Variants in TAFA5 observed in about 807,000 individuals in gnomAD.
TAFA5 encodes chemokine-like protein TAFA-5.
Under a neutral mutation model 15.3 loss-of-function variants are expected in TAFA5, and 6 were observed. The ratio of observed to expected loss-of-function variants is 0.39; its 90% confidence interval spans 0.21 to 0.77. TAFA5 has a LOEUF of 0.77. Among genes scored for constraint, TAFA5 ranks in the 30% least tolerant of loss-of-function variants. The pLI, the probability that TAFA5 is intolerant of heterozygous loss-of-function variation, is 0.41. For synonymous variants in TAFA5, 103 were observed against 80.7 expected, an observed-to-expected ratio of 1.28 and a Z score of -1.48; for missense variants, 161 against 193.1, an observed-to-expected ratio of 0.83 and a Z score of 0.98.
intron 1 of TAFA5, among the ~76,000 whole-genome samples, chr22:48,630,575 G>A (rs1056246705): frequency 2.6e-5 from 4 of 152,190 alleles, no homozygotes; most frequent in Non-Finnish European, 5.9e-5. Flanking sequence ...ACAGGTTCAC[G>A]GGATAATTGG....
chr22:48,506,242 G>A (rs909957546), intron 1 of TAFA5, among the ~76,000 whole-genome samples: 3 of 152,226 alleles, frequency 2.0e-5, no homozygotes, highest in African/African-American at 7.2e-5. Flanking sequence ...ATGGAGGGAA[G>A]GCCCATGGCT....
chr22:48,527,922 C>G (rs1419100085), intron 1 of TAFA5, among the ~76,000 whole-genome samples: 1 of 152,216 alleles, frequency 6.6e-6, no homozygotes, highest in Non-Finnish European at 1.5e-5. Flanking sequence ...TCCCGCCTTC[C>G]CAGGCGCGCT....
At chr22:48,674,488 G>A (rs1927905176) in intron 2 of TAFA5, among the ~76,000 whole-genome samples, 2 of 152,060 alleles carry the variant, frequency 1.3e-5, no homozygotes, top group South Asian at 2.1e-4. Flanking sequence ...CTCAGCCTTC[G>A]AGTTACAGTT....
At chr22:48,519,025 T>A (rs946147501) in intron 1 of TAFA5, among the ~76,000 whole-genome samples, 1 of 152,158 alleles carries the variant, frequency 6.6e-6, no homozygotes, top group African/African-American at 2.4e-5. Context: ...GGAGGACGCC[T>A]GGGGTCTCCA....
chr22:48,698,031 A>G (rs927486192), intron 2 of TAFA5, among the ~76,000 whole-genome samples: 1 of 148,700 alleles, frequency 6.7e-6, no homozygotes, highest in Non-Finnish European at 1.5e-5. Context: ...GGTGAAGATA[A>G]TGGTGGCGAT....
At chr22:48,667,565 C>T (rs542193322) in intron 2 of TAFA5, among the ~76,000 whole-genome samples, 14 of 152,276 alleles carry the variant, frequency 9.2e-5, no homozygotes, top group African/African-American at 2.9e-4. Context: ...TTATTTATCT[C>T]GCGGGCTTCG....
At chr22:48,706,611 T>C (rs1452029793) in intron 2 of TAFA5, among the ~76,000 whole-genome samples, 1 of 152,236 alleles carries the variant, frequency 6.6e-6, no homozygotes, top group Non-Finnish European at 1.5e-5. Flanking sequence ...GGTAGAATCC[T>C]GTGTATATAA....
rs549044038 is a variant in TAFA5, at chr22:48,566,896, C to T, written c.112+77192C>T. On this transcript the variant is annotated intron_variant, in intron 1 of 3. Coordinates refer to ENST00000402357, the MANE Select transcript of TAFA5 (RefSeq NM_001082967.3). This position sits in a 1 kb window ranked among gnomAD's most constrained non-coding sequence, Gnocchi z 4.5. ...CTCACCACTGTGGTTTCATGATTTACGCCTGGGGCCGTCAGTGGGTTGGGT... is the reference window on the plus strand; with the variant it reads ...CTCACCACTGTGGTTTCATGATTTATGCCTGGGGCCGTCAGTGGGTTGGGT... Among the ~76,000 whole-genome samples, 3 of 152,296 alleles carry T rather than the reference C, an allele frequency of 2.0e-5. No individual in the cohort carries two copies. Among genetic ancestry groups the T allele is most frequent in the East Asian group, 3.9e-4 (2 of 5,164 alleles).
At chr22:48,562,978 C>T (rs1379451030) in intron 1 of TAFA5, among the ~76,000 whole-genome samples, 2 of 152,264 alleles carry the variant, frequency 1.3e-5, no homozygotes, top group Non-Finnish European at 2.9e-5. Context: ...CCTGGCGGAG[C>T]TGCAGGCTGG....
rs910471609 is a variant in TAFA5 at position 48,704,382 on chromosome 22, A to G, written c.263-3335A>G. Among the ~76,000 whole-genome samples the G allele has an allele frequency of 4.6e-5, 7 of 152,250 alleles. No individual in the cohort carries two copies. The South Asian group carries it at 1.2e-3, about 27-fold the overall frequency. ...ACCATATTTACTGTTACCCAACACG[A>G]TGCATCAGGGATGGGAGACACAGCT... On this transcript the variant is annotated intron_variant, in intron 2 of 3. Transcript: ENST00000402357.
chr22:48,627,996 G>T (rs1413209073), intron 1 of TAFA5, among the ~76,000 whole-genome samples: 1 of 151,838 alleles, frequency 6.6e-6, no homozygotes, highest in Non-Finnish European at 1.5e-5. Flanking sequence ...GGCTCAGTGT[G>T]GGGGAACCTT....
chr22:48,691,354 C>G (rs1029091297), intron 2 of TAFA5, among the ~76,000 whole-genome samples: 1 of 152,226 alleles, frequency 6.6e-6, no homozygotes, highest in African/African-American at 2.4e-5. Context: ...TTTTACTTCA[C>G]GTTTGACATT....
chr22:48,715,214 C>G (rs576566761), intron 3 of TAFA5, among the ~76,000 whole-genome samples: 6 of 152,374 alleles, frequency 3.9e-5, no homozygotes, highest in African/African-American at 1.4e-4. Context: ...CCACAGGGCC[C>G]TTCTGTGAAG....
At chr22:48,558,209 C>G (rs146413838) in intron 1 of TAFA5, among the ~76,000 whole-genome samples, 1 of 152,318 alleles carries the variant, frequency 6.6e-6, no homozygotes, top group East Asian at 1.9e-4. Flanking sequence ...CGTCTTCGCT[C>G]TCCGTGGCTG....
intron 1 of TAFA5, among the ~76,000 whole-genome samples, chr22:48,609,591 C>G (rs1925323377): frequency 6.6e-6 from 1 of 152,178 alleles, no homozygotes; most frequent in Non-Finnish European, 1.5e-5. Flanking sequence ...CGGGGCCGCC[C>G]CCGTTTCTCC....
At chr22:48,665,188 C>T (rs930386280) in intron 2 of TAFA5, among the ~76,000 whole-genome samples, 8 of 152,124 alleles carry the variant, frequency 5.3e-5, no homozygotes, top group Non-Finnish European at 1.0e-4. Context: ...ACTCTACAGC[C>T]GTCTGGAGTG....
intron 1 of TAFA5, among the ~76,000 whole-genome samples, chr22:48,548,644 T>A (rs1922759032): frequency 6.6e-6 from 1 of 152,122 alleles, no homozygotes; most frequent in Non-Finnish European, 1.5e-5. Flanking sequence ...CAGGGCTGCA[T>A]TTCACAGGGG....
intron 1 of TAFA5, among the ~76,000 whole-genome samples, chr22:48,611,156 C>A (rs920100031): frequency 1.9e-4 from 29 of 152,198 alleles, no homozygotes; most frequent in African/African-American, 6.7e-4. Flanking sequence ...GCTGGTCTTG[C>A]ACTCCTGACC....
chr22:48,610,965 C>T (rs1178799579), intron 1 of TAFA5, among the ~76,000 whole-genome samples: 17 of 150,240 alleles, frequency 1.1e-4, no homozygotes, highest in African/African-American at 3.4e-4. Context: ...GGTGGAGTCT[C>T]GCTTTATTGT....
Sources: allele counts gnomAD v4.1 joint callset (sites outside exome capture counted in the v4.1 genomes callset), GRCh38; gene constraint gnomAD v4.1.1; non-coding constraint Gnocchi (gnomAD v3.1); transcripts MANE v1.5; gene names NCBI Gene and HGNC (gene_info 2026-07-23, HGNC 2026-07-21).